Variants in GRID2 observed in about 807,000 individuals in gnomAD.
The protein encoded by GRID2 is glutamate ionotropic receptor delta type subunit 2, also known as glutamate receptor ionotropic, delta-2.
A neutral mutation model predicts 114.8 loss-of-function variants in GRID2; 33 were observed. The ratio of observed to expected loss-of-function variants is 0.29; its 90% CI spans 0.22 to 0.38. The LOEUF is 0.38. Ranked by LOEUF, GRID2 falls within the 10% of genes least tolerant of loss-of-function variation. The pLI, the probability that GRID2 is intolerant of heterozygous loss-of-function variation, is 1.00. For synonymous variants in GRID2, 505 were observed against 449.9 expected, an observed-to-expected ratio of 1.12 and a Z score of -1.55; for missense variants, 1,184 against 1,257.7, an observed-to-expected ratio of 0.94 and a Z score of 0.89.
intron 1 of GRID2, among the ~76,000 whole-genome samples, chr4:92,442,885 G>A (rs964511531): frequency 7.9e-5 from 12 of 152,220 alleles, no homozygotes; most frequent in Admixed American, 4.6e-4. Flanking sequence ...TGGGCAGGAG[G>A]GGGAGGGCTA....
At chr4:92,838,245 T>G (rs1281443299) in intron 2 of GRID2, among the ~76,000 whole-genome samples, 1 of 152,092 alleles carries the variant, frequency 6.6e-6, no homozygotes, top group Non-Finnish European at 1.5e-5. Flanking sequence ...CATAATGGCT[T>G]TTAACTGGGA....
At chr4:92,573,955 G>T (rs767616311) in intron 1 of GRID2, among the ~76,000 whole-genome samples, 7 of 152,210 alleles carry the variant, frequency 4.6e-5, no homozygotes, top group Middle Eastern at 6.8e-3. Flanking sequence ...CTCTTTAAAG[G>T]TCCCTAAGAA....
At chr4:92,441,907 A>T (rs1165223573) in intron 1 of GRID2, among the ~76,000 whole-genome samples, 1 of 152,132 alleles carries the variant, frequency 6.6e-6, no homozygotes, top group Non-Finnish European at 1.5e-5. Flanking sequence ...ATAGTCAGGG[A>T]AGCAGATAAT....
intron 13 of GRID2, among the ~76,000 whole-genome samples, chr4:93,613,189 TG>T (rs1560818723): frequency 1.3e-5 from 2 of 149,060 alleles, no homozygotes; most frequent in African/African-American, 4.9e-5. Flanking sequence ...TTCTCTGTAT[TG>T]GTTATTCTAG....
intron 8 of GRID2, among the ~76,000 whole-genome samples, chr4:93,309,491 C>T (rs977602430): frequency 1.3e-5 from 2 of 151,928 alleles, no homozygotes; most frequent in African/African-American, 2.4e-5. Flanking sequence ...TGAGCCAAGA[C>T]AGAGCCACTG....
intron 2 of GRID2, among the ~76,000 whole-genome samples, chr4:93,005,518 C>T (rs575582430): frequency 1.3e-5 from 2 of 152,148 alleles, no homozygotes; most frequent in East Asian, 1.9e-4. Flanking sequence ...TTCCTCGGAA[C>T]TCTCAAATAA....
chr4:93,766,079 C>T (rs542625391), intron 14 of GRID2, among the ~76,000 whole-genome samples: 2 of 152,216 alleles, frequency 1.3e-5, no homozygotes, highest in African/African-American at 4.8e-5. Flanking sequence ...TAAATATGCA[C>T]CTGCTCTGTA....
chr4:93,620,346 G>A (rs1311640883), intron 13 of GRID2, among the ~76,000 whole-genome samples: 5 of 152,120 alleles, frequency 3.3e-5, no homozygotes, highest in African/African-American at 9.7e-5. Flanking sequence ...CATAGATTTT[G>A]GAGTGAGCTT....
chr4:93,494,875 G>A (rs1727380328), intron 12 of GRID2, among the ~76,000 whole-genome samples: 1 of 151,760 alleles, frequency 6.6e-6, no homozygotes, highest in Non-Finnish European at 1.5e-5. Context: ...GTGAAGCTTT[G>A]AAGGTACTTC....
intron 14 of GRID2, among the ~76,000 whole-genome samples, chr4:93,726,877 G>A (rs1578671720): frequency 6.6e-6 from 1 of 152,298 alleles, no homozygotes; most frequent in East Asian, 1.9e-4. Flanking sequence ...AGCTTAAGGA[G>A]ATTTTGGGCT....
intron 13 of GRID2, among the ~76,000 whole-genome samples, chr4:93,560,531 G>A (rs1237835101): frequency 6.6e-6 from 1 of 152,122 alleles, no homozygotes; most frequent in East Asian, 1.9e-4. Context: ...CCATTCATGA[G>A]GGAAAAGCCC....
chr4:92,941,095 G>A (rs1265384595), intron 2 of GRID2, among the ~76,000 whole-genome samples: 1 of 152,162 alleles, frequency 6.6e-6, no homozygotes, highest in East Asian at 1.9e-4. Flanking sequence ...AATGAGTTAG[G>A]GAGGATTCCA....
chr4:93,591,421 G>T (rs1181899044), intron 13 of GRID2, among the ~76,000 whole-genome samples: 1 of 151,832 alleles, frequency 6.6e-6, no homozygotes, highest in Non-Finnish European at 1.5e-5. Context: ...TGACCATGGT[G>T]GATAAGCTTT....
intron 4 of GRID2, among the ~76,000 whole-genome samples, chr4:93,168,723 G>C (rs1008418637): frequency 3.9e-5 from 6 of 151,998 alleles, no homozygotes; most frequent in African/African-American, 1.4e-4. Context: ...ACCGTGACTA[G>C]AGATACTCAT....
In GRID2 at chr4:92,876,494, C is replaced by T. The variant is rs963526382; in HGVS notation, c.245-208501C>T. ...TAATTTTTTGTATTTTTAGTAAAGACGGGGTTTCACCGTGTTAACCAGGAT... is the reference window on the plus strand; with the variant it reads ...TAATTTTTTGTATTTTTAGTAAAGATGGGGTTTCACCGTGTTAACCAGGAT... On this transcript the variant is annotated intron_variant, in intron 2 of 15. Transcript: ENST00000282020. 4.6e-5 allele frequency among the ~76,000 whole-genome samples: 7 copies of T among 151,990 alleles called. No individual in the cohort carries two copies. The South Asian group carries it at 1.2e-3, about 27-fold the overall frequency.
intron 8 of GRID2, among the ~76,000 whole-genome samples, chr4:93,273,482 A>T (rs770909821): frequency 6.0e-5 from 9 of 151,118 alleles, no homozygotes; most frequent in Non-Finnish European, 8.8e-5. Context: ...AAAAATATCC[A>T]TGCCCCAATC....
At chr4:93,288,862 T>C (rs1267672720) in intron 8 of GRID2, among the ~76,000 whole-genome samples, 2 of 152,318 alleles carry the variant, frequency 1.3e-5, no homozygotes, top group Admixed American at 6.5e-5. Flanking sequence ...TGAATAGCAG[T>C]CTTGTTAAAG....
chr4:92,635,880 A>G (rs1046465184), intron 2 of GRID2, among the ~76,000 whole-genome samples: 1 of 152,076 alleles, frequency 6.6e-6, no homozygotes, highest in Non-Finnish European at 1.5e-5. Context: ...TAACAATATT[A>G]TATTTGCATA....
At chr4:93,169,103 T>C (rs1310413152) in intron 4 of GRID2, among the ~76,000 whole-genome samples, 1 of 151,264 alleles carries the variant, frequency 6.6e-6, no homozygotes, top group South Asian at 2.1e-4. Context: ...CCCTGAAAGT[T>C]ATATTATTCT....
Sources: gnomAD v4.1 joint callset for allele counts (sites outside exome capture counted in the v4.1 genomes callset) on GRCh38, gnomAD v4.1.1 for gene constraint, MANE v1.5 for transcripts, NCBI Gene and HGNC (gene_info 2026-07-23, HGNC 2026-07-21) for gene names.